SYNJ1: variants seen among roughly 807,000 people sequenced by gnomAD.
SYNJ1 encodes the protein polyphosphatidylinositol phosphatase SYNJ1.
In SYNJ1, 78 loss-of-function variants were observed where a neutral mutation model predicts 168.2. The ratio of observed to expected loss-of-function variants is 0.46; its 90% CI spans 0.39 to 0.56. SYNJ1 has a LOEUF of 0.56. Among genes scored for constraint, SYNJ1 ranks in the 20% least tolerant of loss-of-function variants. The probability of loss-of-function intolerance (pLI) is 0.00; values close to 1 mark genes in which losing one functional copy is unlikely to be tolerated. For synonymous variants in SYNJ1, 539 were observed against 548.6 expected, an observed-to-expected ratio of 0.98 and a Z score of 0.24; for missense variants, 1,303 against 1,597.6, an observed-to-expected ratio of 0.82 and a Z score of 3.14.
chr21:32,672,032 C>G (rs1420974482), intron 14 of SYNJ1, among the ~76,000 whole-genome samples: 1 of 126,828 alleles, frequency 7.9e-6, no homozygotes, highest in Non-Finnish European at 1.6e-5. Context: ...GCACTCCAGC[C>G]TGGGCAACAA....
chr21:32,673,693 A>G (rs1187476451), intron 13 of SYNJ1, among the ~76,000 whole-genome samples, 162 bp from the exon 14 acceptor site: 2 of 152,094 alleles, frequency 1.3e-5, no homozygotes, highest in African/African-American at 4.8e-5. Flanking sequence ...TCAGCCTTCA[A>G]TGCAAAGCCT....
chr21:32,635,909 C>A (rs1254879040), intron 31 of SYNJ1, among the ~76,000 whole-genome samples: 1 of 151,994 alleles, frequency 6.6e-6, no homozygotes, highest in Non-Finnish European at 1.5e-5. Flanking sequence ...AATCTAGTAT[C>A]CTCAAGCAAG....
chr21:32,723,465 T>C (rs1569140666), intron 2 of SYNJ1, among the ~76,000 whole-genome samples: 1 of 152,204 alleles, frequency 6.6e-6, no homozygotes, highest in Non-Finnish European at 1.5e-5. Flanking sequence ...CCACCACCCC[T>C]TTCCAAGAAA....
chr21:32,670,481 G>T, intron 14 of SYNJ1, 109 bp from the exon 15 acceptor site: 2 of 822,242 alleles, frequency 2.4e-6, no homozygotes, highest in Non-Finnish European at 3.7e-6. Flanking sequence ...TCTGTGTTTT[G>T]AGTTTAACCA....
intron 15 of SYNJ1, among the ~76,000 whole-genome samples, chr21:32,668,572 T>C (rs1234651440): frequency 6.6e-6 from 1 of 152,204 alleles, no homozygotes; most frequent in Non-Finnish European, 1.5e-5. Flanking sequence ...TTGTTTTTCA[T>C]TTTGCCTAAT....
chr21:32,706,781 G>A (rs1329787946), intron 2 of SYNJ1, among the ~76,000 whole-genome samples: 1 of 151,888 alleles, frequency 6.6e-6, no homozygotes, highest in African/African-American at 2.4e-5. Context: ...AAAAATACAT[G>A]ATGGAAGGGG....
chr21:32,681,429 AT>A, intron 11 of SYNJ1, 66 bp downstream of exon 11: 1 of 1,478,432 alleles, frequency 6.8e-7, no homozygotes, highest in Non-Finnish European at 9.0e-7. Flanking sequence ...TTAAAAGGCC[AT>A]TTAAAAGCTT....
intron 6 of SYNJ1, among the ~76,000 whole-genome samples, chr21:32,689,585 G>A (rs375739904): frequency 6.6e-6 from 1 of 152,238 alleles, no homozygotes; most frequent in Non-Finnish European, 1.5e-5. Flanking sequence ...ATGAGCCACC[G>A]CGCCCCGCGC....
At chr21:32,677,873 G>A (rs75052652) in intron 12 of SYNJ1, among the ~76,000 whole-genome samples, 1 of 152,022 alleles carries the variant, frequency 6.6e-6, no homozygotes, top group South Asian at 2.1e-4. Context: ...GTTTGGTTTA[G>A]GGCTAACAGA....
At chr21:32,648,985 C>G (rs906633461) in intron 23 of SYNJ1, among the ~76,000 whole-genome samples, 2 of 152,216 alleles carry the variant, frequency 1.3e-5, no homozygotes, top group Non-Finnish European at 2.9e-5. Context: ...CTTCTTGGAT[C>G]ACTCCTCTAT....
rs769928312 is a variant in SYNJ1, at chr21:32,656,719, C to G, written c.2763G>C (p.Gln921His). Residue 921 changes from glutamine to histidine, a missense_variant, in exon 21 of 33, where the codon CAG (glutamine) becomes CAC (histidine). Transcript: ENST00000674351. Reference protein sequence around the residue: ...DDALIDELLQQFASFGEVILI... With the variant: ...DDALIDELLQHFASFGEVILI... Reference sequence around the variant, plus strand: ...GTATAACTTCACCAAAACTTGCAAACTGCTGCAGAAGCTCATCAATCAAGG... The same window carrying G: ...GTATAACTTCACCAAAACTTGCAAAGTGCTGCAGAAGCTCATCAATCAAGG... 2.5e-6 allele frequency: 4 copies of G among 1,613,834 alleles called. No homozygotes were observed. The East Asian group carries it at 8.9e-5, about 36-fold the overall frequency.
chr21:32,639,002 G>A lies in SYNJ1; in HGVS notation c.3821C>T (p.Ser1274Phe), dbSNP rs2039704678. Residue 1274 changes from serine to phenylalanine, a missense_variant, in exon 31 of 33, where the codon TCT becomes TTT. Physicochemically the swap from Ser to Phe is radical, Grantham distance 155. Around this residue, in one of 2 missense-constraint regions of SYNJ1, gnomAD observed 383 missense variants for 388.8 expected, o/e 0.99. Coordinates refer to ENST00000674351, the MANE Select transcript of SYNJ1 (RefSeq NM_203446.3). ...LVPVAAPMPQ[S>F]GPQPNLETPP... Reference sequence around the variant, plus strand: ...GGTTTCCAAATTTGGCTGGGGGCCAGACTGAGGCATAGGTGCTGCCACAGG... The same window carrying A: ...GGTTTCCAAATTTGGCTGGGGGCCAAACTGAGGCATAGGTGCTGCCACAGG... 3 of 1,613,996 alleles carry A rather than the reference G, an allele frequency of 1.9e-6. No homozygotes were observed. Among genetic ancestry groups the A allele is most frequent in the South Asian group, 2.2e-5 (2 of 91,076 alleles).
Position 32,666,586 on chromosome 21 carries a change from A to T in SYNJ1, c.1812-13T>A. 6.3e-7 allele frequency: 1 copy of T among 1,599,600 alleles called. No individual in the cohort carries two copies. ...CTGATTTGTTGTGCTACAAGAAAAT[A>T]TTAAAAAGAGAATTTTTTAAAAAGG... is the stretch of plus-strand genomic sequence containing the variant. On this transcript the variant is annotated splice_polypyrimidine_tract_variant and intron_variant, in intron 15 of 32. Transcript: ENST00000674351.
intron 2 of SYNJ1, among the ~76,000 whole-genome samples, chr21:32,709,076 A>G (rs572136018): frequency 6.6e-6 from 1 of 152,248 alleles, no homozygotes; most frequent in African/African-American, 2.4e-5. Flanking sequence ...CTTGTTAATC[A>G]CAGAACAATT....
In SYNJ1 at chr21:32,688,349, G is replaced by A. The variant is rs547450707; in HGVS notation, c.808C>T (p.Arg270Cys). 6.2e-6 allele frequency: 10 copies of A among 1,613,264 alleles called. No individual in the cohort carries two copies. In the East Asian group the frequency reaches 1.1e-4, roughly 18 times the overall value. The change falls in exon 7 of 33, where the codon CGT (arginine) becomes TGT (cysteine). Residue 270 changes from arginine (R) to cysteine (C), a missense_variant. Transcript: ENST00000674351. ...PGLQVGSHRVRMSRGFEANAP... is the reference protein window; with the variant it reads ...PGLQVGSHRVCMSRGFEANAP... ...TTGGCTTCAAATCCCCTTGACATAC[G>A]GACACGATGAGATCCCACCTTAGAC...
chr21:32,656,997 T>TTA lies in SYNJ1; in HGVS notation c.2579+4_2579+5dup, dbSNP rs746113696. 3 of 1,613,704 alleles carry TTA rather than the reference T, an allele frequency of 1.9e-6. No homozygotes were observed. The highest frequency in any genetic ancestry group is 1.7e-4 in the Middle Eastern group (1 of 6,058). ...ACACTATTAGAAAAACTGAGACTGC[T>TTA]TAAACCTGTGGTCAGAAGTCTTCAG... On this transcript the variant is annotated splice_donor_region_variant and intron_variant, in intron 20 of 32. Coordinates refer to ENST00000674351, the MANE Select transcript of SYNJ1 (RefSeq NM_203446.3).
intron 4 of SYNJ1, 75 bp from the exon 5 acceptor site, chr21:32,695,357 G>A: frequency 6.1e-6 from 8 of 1,313,698 alleles, no homozygotes; most frequent in South Asian, 1.5e-5. Context: ...ATAATCTCCT[G>A]GAAAATTAAT....
intron 2 of SYNJ1, among the ~76,000 whole-genome samples, chr21:32,713,656 A>T (rs1226769450): frequency 6.7e-6 from 1 of 148,592 alleles, no homozygotes; most frequent in Non-Finnish European, 1.5e-5. Flanking sequence ...ATGATTTCCC[A>T]TATATCAACA....
intron 2 of SYNJ1, among the ~76,000 whole-genome samples, chr21:32,722,976 G>A (rs990420031): frequency 2.0e-5 from 3 of 152,194 alleles, no homozygotes; most frequent in Non-Finnish European, 4.4e-5. Context: ...TCATAGAAAG[G>A]CCTAAATACA....
Sources: gnomAD v4.1 joint callset for allele counts (sites outside exome capture counted in the v4.1 genomes callset) on GRCh38, gnomAD v4.1.1 for gene constraint, gnomAD v4.1.1 regional missense constraint, MANE v1.5 for transcripts, NCBI Gene and HGNC (gene_info 2026-07-23, HGNC 2026-07-21) for gene names.